The following SCML2 variants were observed in gnomAD, a reference collection of about 807,000 sequenced individuals.
SCML2 encodes the protein Scm polycomb group protein like 2, also known as sex comb on midleg-like protein 2.
SCML2 carries 6 observed loss-of-function variants against 48.4 expected under a neutral mutation model. That is an observed-to-expected ratio of 0.12 (90% CI 0.07 to 0.24). The LOEUF (loss-of-function observed/expected upper bound fraction) is 0.24, where lower values mean the gene tolerates loss of function less well. SCML2 is among the 10% of genes least tolerant of loss of function. The pLI, the probability that SCML2 is intolerant of heterozygous loss-of-function variation, is 1.00. For synonymous variants in SCML2, 181 were observed against 189.5 expected (o/e 0.95, Z 0.37); for missense variants, 377 against 528.2 (o/e 0.71, Z 2.81).
intron 4 of SCML2, 58 bp from the exon 5 acceptor site, chrX:18,324,151 A>G: frequency 1.4e-6 from 1 of 728,539 alleles, no homozygotes; most frequent in Non-Finnish European, 2.1e-6. Flanking sequence ...AGACACATGG[A>G]CAGCTATGTC....
At chrX:18,305,797 G>C (rs1346948533) in intron 6 of SCML2, among the ~76,000 whole-genome samples, 1 of 108,369 alleles carries the variant, frequency 9.2e-6, no homozygotes, top group Non-Finnish European at 1.9e-5. Flanking sequence ...ATAAAATACA[G>C]ACACAAGAAC....
intron 11 of SCML2, among the ~76,000 whole-genome samples, chrX:18,248,690 T>C: frequency 8.9e-6 from 1 of 112,138 alleles, no homozygotes; most frequent in Non-Finnish European, 1.9e-5. Context: ...TCATTTTTAA[T>C]AATGGACTGT....
intron 7 of SCML2, among the ~76,000 whole-genome samples, chrX:18,281,549 TA>T (rs1183531064): frequency 1.8e-5 from 2 of 108,936 alleles, no homozygotes; most frequent in East Asian, 5.8e-4. Context: ...CCGTCTCTAC[TA>T]GAAATACAAA....
intron 3 of SCML2, among the ~76,000 whole-genome samples, chrX:18,326,460 C>A (rs766458802): frequency 9.1e-6 from 1 of 110,405 alleles, no homozygotes; most frequent in African/African-American, 3.3e-5. Flanking sequence ...GAACAGATCA[C>A]CTGAGGTCAG....
chrX:18,340,946 T>C (rs1929994895), intron 1 of SCML2, among the ~76,000 whole-genome samples: 1 of 112,235 alleles, frequency 8.9e-6, no homozygotes, highest in African/African-American at 3.2e-5. Context: ...TGATAATGTT[T>C]GATCACCAAA....
At chrX:18,273,003 A>G (rs796154835) in intron 7 of SCML2, among the ~76,000 whole-genome samples, 2 of 112,060 alleles carry the variant, frequency 1.8e-5, no homozygotes, top group Non-Finnish European at 3.8e-5. Flanking sequence ...TTGTGTGTTA[A>G]TATCACCAAC....
intron 1 of SCML2, among the ~76,000 whole-genome samples, chrX:18,352,494 A>G (rs1444448930): frequency 8.9e-6 from 1 of 112,445 alleles, no homozygotes; most frequent in Non-Finnish European, 1.9e-5. Context: ...TATGACAAAA[A>G]TACTGACTTC....
chrX:18,328,488 C>T (rs1158274039), intron 3 of SCML2, among the ~76,000 whole-genome samples: 1 of 111,023 alleles, frequency 9.0e-6, no homozygotes, highest in African/African-American at 3.3e-5. Context: ...CTGGGAAACA[C>T]AGAGAGACCC....
chrX:18,353,533 T>C (rs1930439556), intron 1 of SCML2, among the ~76,000 whole-genome samples: 1 of 112,693 alleles, frequency 8.9e-6, no homozygotes, highest in African/African-American at 3.2e-5. Flanking sequence ...ATCGATCCAT[T>C]AACTTTCCAG....
At chrX:18,265,953 T>C in intron 7 of SCML2, 151 bp from the exon 8 acceptor site, 1 of 407,098 alleles carries the variant, frequency 2.5e-6, no homozygotes, top group Non-Finnish European at 4.1e-6. Context: ...CCATCTGAAA[T>C]GAAGTTTTAG....
chrX:18,278,650 C>A (rs1241933165), intron 7 of SCML2, among the ~76,000 whole-genome samples: 1 of 112,527 alleles, frequency 8.9e-6, no homozygotes, highest in Admixed American at 9.3e-5. Flanking sequence ...ACCAGCCCCT[C>A]CCAGGCCCAA....
chrX:18,244,568 G>A (rs1204295467), intron 13 of SCML2, among the ~76,000 whole-genome samples: 1 of 111,466 alleles, frequency 9.0e-6, no homozygotes, highest in Non-Finnish European at 1.9e-5. Context: ...AACAATCAGA[G>A]AAGTTTGCAA....
chrX:18,239,503 GT>G lies in SCML2; in HGVS notation c.*1747del, dbSNP rs1205925553. 4.4e-5 allele frequency: 5 copies of G among 112,421 alleles called. No homozygotes were observed. Among genetic ancestry groups the G allele is most frequent in the African/African-American group, 6.5e-5 (2 of 30,821 alleles). The allele number at this position is 112,421 out of a possible 1,213,427, so 9.3% of individuals were successfully genotyped here. On this transcript the variant is annotated 3_prime_UTR_variant, in exon 15 of 15. Transcript: ENST00000251900. ...CATAAATGAAGCTATTCTTTAAATA[GT>G]TGCATTCATGTCTAAAGTACATTTG...
intron 6 of SCML2, among the ~76,000 whole-genome samples, chrX:18,310,117 G>A (rs1047766142): frequency 1.7e-4 from 19 of 111,201 alleles, no homozygotes; most frequent in Admixed American, 1.6e-3. Context: ...CATCATCATC[G>A]GTTCTTTAAT....
chrX:18,309,578 C>T (rs1230674878), intron 6 of SCML2, among the ~76,000 whole-genome samples: 1 of 111,921 alleles, frequency 8.9e-6, no homozygotes, highest in African/African-American at 3.2e-5. Flanking sequence ...TACATATATA[C>T]CATGGAATAC....
intron 3 of SCML2, among the ~76,000 whole-genome samples, chrX:18,326,879 C>G (rs1437008648): frequency 9.0e-6 from 1 of 110,800 alleles, no homozygotes; most frequent in Non-Finnish European, 1.9e-5. Context: ...ATATGTAAGT[C>G]ACTCAATAAA....
At chrX:18,315,520 G>C (rs1929092523) in intron 6 of SCML2, among the ~76,000 whole-genome samples, 1 of 111,501 alleles carries the variant, frequency 9.0e-6, no homozygotes, top group Non-Finnish European at 1.9e-5. Flanking sequence ...CAGGCAAGAG[G>C]AGAGCCTTAT....
chrX:18,241,466 A>G (rs1926261810), intron 14 of SCML2, 87 bp from the exon 15 acceptor site: 1 of 604,425 alleles, frequency 1.7e-6, no homozygotes, highest in Admixed American at 4.0e-5. Flanking sequence ...CAGCAGCTGT[A>G]TACTCCGGAT....
chrX:18,350,875 A>G lies in SCML2; in HGVS notation c.-25+3717T>C, dbSNP rs180816434. On this transcript the variant is annotated intron_variant, in intron 1 of 14. Coordinates refer to ENST00000251900, the MANE Select transcript of SCML2 (RefSeq NM_006089.3). ...GGTATAAATTATGCCATTTTAATCT[A>G]AGATAAACGCCAGTGGTTTCTTTTA... 2.4e-4 allele frequency among the ~76,000 whole-genome samples: 27 copies of G among 112,004 alleles called. No homozygotes were observed. In the East Asian group the frequency reaches 3.4e-3, roughly 14 times the overall value.
Sources: allele counts gnomAD v4.1 joint callset (sites outside exome capture counted in the v4.1 genomes callset), GRCh38; gene constraint gnomAD v4.1.1; transcripts MANE v1.5; gene names NCBI Gene and HGNC (gene_info 2026-07-23, HGNC 2026-07-21).